The following GNPAT variants were observed in gnomAD, a reference collection of about 807,000 sequenced individuals.
The protein encoded by GNPAT is glyceronephosphate O-acyltransferase.
A neutral mutation model predicts 78.4 loss-of-function variants in GNPAT; 30 were observed. The observed-to-expected ratio is 0.38, with a 90% confidence interval of 0.29 to 0.52. GNPAT has a LOEUF of 0.52. Among genes scored for constraint, GNPAT ranks in the 20% least tolerant of loss-of-function variants. The pLI, the probability that GNPAT is intolerant of heterozygous loss-of-function variation, is 0.84. For missense variants in GNPAT, 714 were observed against 812.2 expected (o/e 0.88, Z 1.47); for synonymous variants, 271 against 281.1 (o/e 0.96, Z 0.36).
At chr1:231,265,661 A>C (rs545225435) in intron 5 of GNPAT, 51 bp from the exon 6 acceptor site, 1 of 1,096,596 alleles carries the variant, frequency 9.1e-7, no homozygotes, top group East Asian at 2.3e-5. Context: ...AGCATTTATC[A>C]TTTTGAGAGT....
intron 9 of GNPAT, 154 bp downstream of exon 9, chr1:231,268,057 C>T (rs1302108772): frequency 2.9e-6 from 2 of 681,924 alleles, no homozygotes; most frequent in Non-Finnish European, 5.4e-6. Flanking sequence ...AATCCCAGCA[C>T]TTTGGGAGGC....
intron 1 of GNPAT, among the ~76,000 whole-genome samples, chr1:231,245,861 C>T (rs1020072136): frequency 5.3e-5 from 8 of 151,854 alleles, no homozygotes; most frequent in Non-Finnish European, 1.0e-4. Flanking sequence ...CCCAGCTACT[C>T]GGGAGGCTGA....
At chr1:231,247,328 A>G (rs1684777542) in intron 1 of GNPAT, among the ~76,000 whole-genome samples, 1 of 152,204 alleles carries the variant, frequency 6.6e-6, no homozygotes, top group Non-Finnish European at 1.5e-5. Flanking sequence ...CATACTAGAA[A>G]CTGGGAGTAC....
At chr1:231,242,180 C>G (rs1054180738) in intron 1 of GNPAT, among the ~76,000 whole-genome samples, 7 of 152,144 alleles carry the variant, frequency 4.6e-5, no homozygotes, top group African/African-American at 1.7e-4. Flanking sequence ...GCTTTATAGC[C>G]TTCAGGATTG....
rs749086052 is a variant in GNPAT, at chr1:231,251,022, A to C, written c.140A>C (p.Asp47Ala). 26 of 1,609,566 alleles carry C rather than the reference A, an allele frequency of 1.6e-5. No homozygotes were observed. Among genetic ancestry groups the C allele is most frequent in the Non-Finnish European group, 1.8e-5 (21 of 1,175,978 alleles). ...TTAGAAGAGAGGAGGCATGTCAGTG[A>C]CTTGAAATTTGCAATGAAATGCTAC... ...DILEERRHVS[D>A]LKFAMKCYTP... Residue 47 changes from aspartate (D) to alanine (A), a missense_variant, in exon 2 of 16, where the codon GAC (aspartate) becomes GCC (alanine). By Grantham distance (126) the Asp-to-Ala change is moderately radical. Coordinates refer to ENST00000366647, the MANE Select transcript of GNPAT (RefSeq NM_014236.4).
chr1:231,241,783 T>C (rs918522003), intron 1 of GNPAT, among the ~76,000 whole-genome samples: 1 of 152,254 alleles, frequency 6.6e-6, no homozygotes, highest in Admixed American at 6.5e-5. Context: ...TCCCCATCTC[T>C]AGCGAGGGCA....
chr1:231,277,591 G>A lies in GNPAT; in HGVS notation c.*49G>A, dbSNP rs779544257. 15 of 1,055,322 alleles carry A rather than the reference G, an allele frequency of 1.4e-5. No homozygotes were observed. The highest frequency in any genetic ancestry group is 1.4e-4 in the East Asian group (6 of 42,334). 65.4% of individuals were successfully genotyped at this position (1,055,322 alleles called of 1,614,324 possible). A position where few individuals can be genotyped will look rare whatever the true frequency, so the allele number is the denominator to read the frequency against. On this transcript the variant is annotated 3_prime_UTR_variant, in exon 16 of 16. Coordinates refer to ENST00000366647, the MANE Select transcript of GNPAT (RefSeq NM_014236.4). ...ATTCGGTCACGTAATTACTCTCATC[G>A]AAGGACTCATTACAACAAACAGGGA...
In GNPAT at chr1:231,267,886, G is replaced by C; in HGVS notation, c.1262G>C (p.Gly421Ala). 6.2e-7 allele frequency: 1 copy of C among 1,608,878 alleles called. No individual in the cohort carries two copies. The highest frequency in any genetic ancestry group is 2.2e-5 in the East Asian group (1 of 44,864). Residue 421 changes from glycine (G) to alanine (A), a missense_variant, in exon 9 of 16, where the codon GGG becomes GCG. Coordinates refer to ENST00000366647, the MANE Select transcript of GNPAT (RefSeq NM_014236.4). ...WLKGLTQAFG[G>A]FLIWPDNKPA... Reference sequence around the variant, plus strand: ...AAAGGCTTAACCCAGGCATTTGGAGGGTTTCTCATTTGGCCTGGTATGTAG... The same window carrying C: ...AAAGGCTTAACCCAGGCATTTGGAGCGTTTCTCATTTGGCCTGGTATGTAG...
At chr1:231,274,517 A>C (rs1685657395) in intron 12 of GNPAT, among the ~76,000 whole-genome samples, 1 of 152,254 alleles carries the variant, frequency 6.6e-6, no homozygotes, top group Non-Finnish European at 1.5e-5. Context: ...AAGTTCTGAA[A>C]GCGTTTGTCA....
chr1:231,249,212 C>A (rs1684827606), intron 1 of GNPAT, among the ~76,000 whole-genome samples: 1 of 152,096 alleles, frequency 6.6e-6, no homozygotes. Flanking sequence ...GTTTTCCAGC[C>A]TTATAAGCAA....
At chr1:231,251,332 C>T (rs951934580) in intron 2 of GNPAT, among the ~76,000 whole-genome samples, 189 bp downstream of exon 2, 7 of 152,070 alleles carry the variant, frequency 4.6e-5, no homozygotes, top group Admixed American at 1.3e-4. Context: ...TAACAGTGAG[C>T]GAGTTGAGCG....
chr1:231,259,735 T>C (rs1391498143), intron 2 of GNPAT, among the ~76,000 whole-genome samples: 3 of 152,040 alleles, frequency 2.0e-5, no homozygotes, highest in Non-Finnish European at 2.9e-5. Context: ...CTACATGTAA[T>C]TGGGGTGCCA....
Position 231,265,716 on chromosome 1 carries a change from G to T in GNPAT, c.701G>T (p.Gly234Val). ...TTGTTTGTTTTCTCTTTAAAGAATGGTTATGCTCCTGTTGAATTTTTCCTC... is the reference window on the plus strand; with the variant it reads ...TTGTTTGTTTTCTCTTTAAAGAATGTTTATGCTCCTGTTGAATTTTTCCTC... ...SEYVKTMLRN[G>V]YAPVEFFLEG... is the part of the protein sequence containing the mutation. The change falls in exon 6 of 16, where the codon GGT (glycine) becomes GTT (valine). Residue 234 changes from glycine to valine, a missense_variant. Transcript: ENST00000366647. 1 of 1,582,238 alleles carries T rather than the reference G, an allele frequency of 6.3e-7. No homozygotes were observed. Among genetic ancestry groups the T allele is most frequent in the Non-Finnish European group, 8.7e-7 (1 of 1,150,886 alleles).
intron 10 of GNPAT, 35 bp downstream of exon 10, chr1:231,271,035 G>A (rs1162411306): frequency 1.2e-6 from 2 of 1,612,164 alleles, no homozygotes; most frequent in Admixed American, 3.3e-5. Flanking sequence ...ACTTTTAGAA[G>A]AGGTCTGGCC....
In GNPAT at chr1:231,265,316, G is replaced by A; in HGVS notation, c.592G>A (p.Gly198Ser). ...GMDFLGMKMVGELLRMSGAFF... is the reference protein window; with the variant it reads ...GMDFLGMKMVSELLRMSGAFF... Reference sequence around the variant, plus strand: ...AGACTTCCTGGGAATGAAAATGGTTGGTGAGCTGCTACGAATGTCGGGTGC... The same window carrying A: ...AGACTTCCTGGGAATGAAAATGGTTAGTGAGCTGCTACGAATGTCGGGTGC... Residue 198 changes from glycine (G) to serine (S), a missense_variant, in exon 5 of 16, where the codon GGT becomes AGT. Gly to Ser is a moderately conservative substitution (Grantham distance 56). Transcript: ENST00000366647. 5 of 1,612,182 alleles carry A rather than the reference G, an allele frequency of 3.1e-6. No homozygotes were observed. The highest frequency in any genetic ancestry group is 4.2e-6 in the Non-Finnish European group (5 of 1,178,212).
At chr1:231,276,981 C>T (rs950040627) in intron 15 of GNPAT, among the ~76,000 whole-genome samples, 4 of 151,938 alleles carry the variant, frequency 2.6e-5, no homozygotes, top group South Asian at 2.1e-4. Context: ...TTGGGATTTG[C>T]GGAAGACCAG....
chr1:231,243,838 T>G (rs995430168), intron 1 of GNPAT, among the ~76,000 whole-genome samples: 2 of 152,156 alleles, frequency 1.3e-5, no homozygotes, highest in Non-Finnish European at 2.9e-5. Flanking sequence ...AATCTTAACT[T>G]TATGGGAGAT....
intron 9 of GNPAT, among the ~76,000 whole-genome samples, chr1:231,269,370 T>C (rs1171006251): frequency 1.3e-5 from 2 of 151,732 alleles, no homozygotes; most frequent in Non-Finnish European, 2.9e-5. Context: ...GGGTGGTGGG[T>C]AGATGGAAAA....
chr1:231,274,136 T>C, intron 12 of GNPAT, 74 bp downstream of exon 12: 1 of 1,343,252 alleles, frequency 7.4e-7, no homozygotes, highest in East Asian at 2.3e-5. Context: ...CCTGTGCTTA[T>C]TTCCAGTCTG....
Sources: allele counts gnomAD v4.1 joint callset (sites outside exome capture counted in the v4.1 genomes callset), GRCh38; gene constraint gnomAD v4.1.1; transcripts MANE v1.5; gene names NCBI Gene and HGNC (gene_info 2026-07-23, HGNC 2026-07-21).